Variants in SKAP1 observed in about 807,000 individuals in gnomAD.
The protein encoded by SKAP1 is src kinase-associated phosphoprotein 1.
SKAP1 carries 44 observed loss-of-function variants against 58.5 expected under a neutral mutation model. The observed-to-expected ratio is 0.75, with a 90% confidence interval of 0.59 to 0.97. The LOEUF (loss-of-function observed/expected upper bound fraction) is 0.97. Ranked by LOEUF, SKAP1 falls within the 50% of genes least tolerant of loss-of-function variation. The pLI, the probability that SKAP1 is intolerant of heterozygous loss-of-function variation, is 0.00. For missense variants in SKAP1, 390 were observed against 435.2 expected, an observed-to-expected ratio of 0.90 and a Z score of 0.92; for synonymous variants, 127 against 149.7, an observed-to-expected ratio of 0.85 and a Z score of 1.11.
chr17:48,351,561 G>C (rs1453103787), intron 3 of SKAP1, among the ~76,000 whole-genome samples: 1 of 152,112 alleles, frequency 6.6e-6, no homozygotes, highest in African/African-American at 2.4e-5. Flanking sequence ...GATAGGTCAG[G>C]TAAAGAAAGT....
At chr17:48,219,444 A>C (rs957772694) in intron 4 of SKAP1, among the ~76,000 whole-genome samples, 1 of 152,240 alleles carries the variant, frequency 6.6e-6, no homozygotes, top group African/African-American at 2.4e-5. Flanking sequence ...TTTATTGGTT[A>C]GTATTTTCAA....
upstream of SKAP1, among the ~76,000 whole-genome samples, chr17:48,431,555 T>G (rs1302818772): frequency 6.6e-6 from 1 of 152,126 alleles, no homozygotes; most frequent in Non-Finnish European, 1.5e-5. Context: ...AGCTCTACTG[T>G]GAAGGGACTT....
chr17:48,427,403 A>G (rs2067865881), intron 1 of SKAP1, among the ~76,000 whole-genome samples: 1 of 152,118 alleles, frequency 6.6e-6, no homozygotes, highest in African/African-American at 2.4e-5. Flanking sequence ...GAGTCTCCCA[A>G]CTTATTAACA....
chr17:48,170,711 TC>T (rs2064198342), intron 9 of SKAP1, 52 bp from the exon 10 acceptor site: 10 of 1,459,946 alleles, frequency 6.8e-6, no homozygotes, highest in South Asian at 2.4e-5. Context: ...AGTCTCATGT[TC>T]TTTTTTTTTT....
chr17:48,204,958 C>CTTTCTTTTCTTTTCT (rs1555602803), intron 4 of SKAP1, among the ~76,000 whole-genome samples: 1 of 120,718 alleles, frequency 8.3e-6, no homozygotes, highest in African/African-American at 3.2e-5. Flanking sequence ...CCTCCTTCCT[C>CTTTCTTTTCTTTTCT]TTTCTTTTCT....
intron 7 of SKAP1, among the ~76,000 whole-genome samples, chr17:48,184,500 G>A (rs998177249): frequency 6.6e-6 from 1 of 152,188 alleles, no homozygotes; most frequent in Non-Finnish European, 1.5e-5. Flanking sequence ...AGGAATGAAG[G>A]ATGGAAGCCA....
chr17:48,224,760 C>G (rs2065047508), intron 4 of SKAP1, among the ~76,000 whole-genome samples: 2 of 152,082 alleles, frequency 1.3e-5, no homozygotes, highest in South Asian at 2.1e-4. Flanking sequence ...TTGGAGACCA[C>G]TGATCATGCT....
chr17:48,364,985 G>A (rs2066984084), intron 2 of SKAP1, among the ~76,000 whole-genome samples: 1 of 152,060 alleles, frequency 6.6e-6, no homozygotes, highest in Non-Finnish European at 1.5e-5. Context: ...CTGGGCTCAA[G>A]GGATCCTCCT....
At chr17:48,382,072 T>C (rs1422837363) in intron 2 of SKAP1, among the ~76,000 whole-genome samples, 2 of 152,010 alleles carry the variant, frequency 1.3e-5, no homozygotes, top group East Asian at 3.9e-4. Context: ...ATCTGCTATA[T>C]AGGGATTATA....
chr17:48,214,649 G>A (rs1340346064), intron 4 of SKAP1, among the ~76,000 whole-genome samples: 1 of 150,762 alleles, frequency 6.6e-6, no homozygotes, highest in Non-Finnish European at 1.5e-5. Flanking sequence ...AAAATTAGAG[G>A]CTGGGCTCAC....
intron 2 of SKAP1, among the ~76,000 whole-genome samples, chr17:48,383,995 C>T (rs1054954703): frequency 4.0e-5 from 6 of 151,866 alleles, no homozygotes; most frequent in Admixed American, 3.9e-4. Flanking sequence ...CAAAGTGCTG[C>T]GATTACAGGT....
At chr17:48,266,732 G>T (rs190590316) in intron 4 of SKAP1, among the ~76,000 whole-genome samples, 1 of 151,882 alleles carries the variant, frequency 6.6e-6, no homozygotes, top group African/African-American at 2.4e-5. Context: ...GGATGGTCTC[G>T]ATCTCTTGAC....
At chr17:48,203,364 A>G (rs2064753618) in intron 4 of SKAP1, among the ~76,000 whole-genome samples, 1 of 152,210 alleles carries the variant, frequency 6.6e-6, no homozygotes, top group African/African-American at 2.4e-5. Flanking sequence ...GCTTCACGGC[A>G]CTTGGTATAG....
At chr17:48,288,422 A>C (rs1415819019) in intron 4 of SKAP1, among the ~76,000 whole-genome samples, 2 of 152,236 alleles carry the variant, frequency 1.3e-5, no homozygotes, top group Non-Finnish European at 2.9e-5. Flanking sequence ...GCAGTGGCTC[A>C]CACCTGTAAT....
chr17:48,438,753 G>A, the SKAP1 span, among the ~76,000 whole-genome samples: 11 of 152,132 alleles, frequency 7.2e-5, no homozygotes, highest in East Asian at 9.6e-4. Flanking sequence ...ACCCTGCAAA[G>A]AACCAATCAG....
chr17:48,158,453 A>T (rs2064017050), intron 11 of SKAP1, among the ~76,000 whole-genome samples: 1 of 149,280 alleles, frequency 6.7e-6, no homozygotes, highest in Non-Finnish European at 1.5e-5. Context: ...CTGTAGTCCC[A>T]GCTACTCGGG....
intron 4 of SKAP1, among the ~76,000 whole-genome samples, chr17:48,289,870 T>C (rs2065878613): frequency 6.6e-6 from 1 of 152,108 alleles, no homozygotes. Flanking sequence ...TCATCTAAAC[T>C]AAAGGAGTAT....
At chr17:48,439,442 T>C in the SKAP1 span, among the ~76,000 whole-genome samples, 4 of 152,254 alleles carry the variant, frequency 2.6e-5, no homozygotes, top group Non-Finnish European at 4.4e-5. Flanking sequence ...CCGTGTTATC[T>C]ACACTTCATT....
At chr17:48,167,579 C>T (rs1299487453) in intron 10 of SKAP1, among the ~76,000 whole-genome samples, 3 of 151,990 alleles carry the variant, frequency 2.0e-5, no homozygotes, top group Non-Finnish European at 4.4e-5. Context: ...ATTTTTTGGC[C>T]CTCCTAAAAG....
Sources: allele counts gnomAD v4.1 joint callset (sites outside exome capture counted in the v4.1 genomes callset), GRCh38; gene constraint gnomAD v4.1.1; transcripts MANE v1.5; gene names NCBI Gene and HGNC (gene_info 2026-07-23, HGNC 2026-07-21).